Variants in NUP85 observed in about 807,000 individuals in gnomAD.
NUP85 encodes nuclear pore complex protein Nup85.
NUP85 carries 23 observed loss-of-function variants against 92.8 expected under a neutral mutation model. The observed-to-expected ratio is 0.25, with a 90% CI of 0.18 to 0.35. The LOEUF (loss-of-function observed/expected upper bound fraction) is 0.35. Ranked by LOEUF, NUP85 falls within the 10% of genes least tolerant of loss-of-function variation. NUP85 has a pLI of 1.00. For synonymous variants in NUP85, 314 were observed against 306.9 expected (o/e 1.02, Z -0.24); for missense variants, 759 against 822.8 (o/e 0.92, Z 0.95).
chr17:75,211,889 C>T, intron 3 of NUP85, 103 bp from the exon 4 acceptor site: 1 of 908,506 alleles, frequency 1.1e-6, no homozygotes, highest in East Asian at 2.7e-5. Flanking sequence ...AACGGCTCTC[C>T]TCTTTCTTTC....
chr17:75,225,754 G>C lies in NUP85; in HGVS notation c.912G>C (p.Trp304Cys). The change falls in exon 10 of 19, where the codon TGG becomes TGC. Residue 304 changes from tryptophan (W) to cysteine (C), a missense_variant. Trp to Cys is a radical substitution (Grantham distance 215, BLOSUM62 -2). Transcript: ENST00000245544. ...LLEQKELLSNWYHFLVTRLLY... is the reference protein window; with the variant it reads ...LLEQKELLSNCYHFLVTRLLY... ...AGCAGAAGGAACTTCTGAGTAATTG[G>C]TATCATTTCCTAGTGACTCGGCTCT... 1 of 1,613,280 alleles carries C rather than the reference G, an allele frequency of 6.2e-7. No homozygotes were observed. The highest frequency in any genetic ancestry group is 8.5e-7 in the Non-Finnish European group (1 of 1,179,594).
At chr17:75,234,881 T>A (rs772615510) in intron 17 of NUP85, 93 bp downstream of exon 17, 2 of 1,494,366 alleles carry the variant, frequency 1.3e-6, no homozygotes, top group Admixed American at 3.3e-5. Context: ...TTTCCTCCTT[T>A]GTCGTTCTGC....
Position 75,205,699 on chromosome 17 carries a change from C to A in NUP85, c.-63C>A. 1 of 1,600,966 alleles carries A rather than the reference C, an allele frequency of 6.2e-7. No homozygotes were observed. The highest frequency in any genetic ancestry group is 8.6e-7 in the Non-Finnish European group (1 of 1,168,310). ...GTCTTGTCTCGCAGCCAGCTCTGAGCGGGAGGCCTGAGCGGGAAGCATTGG... is the reference window on the plus strand; with the variant it reads ...GTCTTGTCTCGCAGCCAGCTCTGAGAGGGAGGCCTGAGCGGGAAGCATTGG... On this transcript the variant is annotated 5_prime_UTR_variant, in exon 1 of 19. Coordinates refer to ENST00000245544, the MANE Select transcript of NUP85 (RefSeq NM_024844.5).
At chr17:75,226,343 C>T (rs1327793351) in intron 11 of NUP85, among the ~76,000 whole-genome samples, 186 bp downstream of exon 11, 1 of 152,138 alleles carries the variant, frequency 6.6e-6, no homozygotes, top group Non-Finnish European at 1.5e-5. Flanking sequence ...ATTATTTTCT[C>T]ACCGTTCTGG....
At chr17:75,224,829 G>A (rs1186761976) in intron 7 of NUP85, among the ~76,000 whole-genome samples, 63 of 132,392 alleles carry the variant, frequency 4.8e-4, no homozygotes, top group South Asian at 7.3e-4. Flanking sequence ...GGGAACTCTG[G>A]AAAAAAAAAA....
rs200315838 is a variant in NUP85, at chr17:75,205,738, T to C, written c.-24T>C. 1.2e-5 allele frequency: 20 copies of C among 1,614,092 alleles called. No individual in the cohort carries two copies. Among genetic ancestry groups the C allele is most frequent in the Admixed American group, 6.7e-5 (4 of 59,996 alleles). On this transcript the variant is annotated 5_prime_UTR_variant, in exon 1 of 19. Coordinates refer to ENST00000245544, the MANE Select transcript of NUP85 (RefSeq NM_024844.5). ...GGGAAGCATTGGCGTCCGAGCGACT[T>C]CTAGGAGCCTGGGGTTCGGCGCTAT... is the stretch of plus-strand genomic sequence containing the variant.
chr17:75,232,855 C>T lies in NUP85; in HGVS notation c.1401C>T (p.Arg467=). 1.2e-6 allele frequency: 2 copies of T among 1,613,968 alleles called. No homozygotes were observed. The highest frequency in any genetic ancestry group is 8.5e-7 in the Non-Finnish European group (1 of 1,179,858). ...CEQRQMTEQV[R]SICKILAMKA... ...CTTTTCTTTTCCCCTGCAAAGTTCGCAGCATTTGTAAGATCTTAGCCATGA... is the reference window on the plus strand; with the variant it reads ...CTTTTCTTTTCCCCTGCAAAGTTCGTAGCATTTGTAAGATCTTAGCCATGA... Residue 467 remains arginine, a synonymous_variant, in exon 15 of 19, where the codon CGC becomes CGT. Coordinates refer to ENST00000245544, the MANE Select transcript of NUP85 (RefSeq NM_024844.5).
At chr17:75,228,290 C>G (rs1287351863) in intron 11 of NUP85, 2 of 985,408 alleles carry the variant, frequency 2.0e-6, no homozygotes, top group Non-Finnish European at 2.4e-6. Flanking sequence ...AACAACATCA[C>G]TCTCGTGCCG....
At chr17:75,215,135 C>T (rs2075391063) in intron 5 of NUP85, among the ~76,000 whole-genome samples, 1 of 152,210 alleles carries the variant, frequency 6.6e-6, no homozygotes, top group African/African-American at 2.4e-5. Context: ...TATGCCACTG[C>T]ACTCTAGCTT....
intron 7 of NUP85, among the ~76,000 whole-genome samples, chr17:75,221,418 C>T (rs2075595535): frequency 6.6e-6 from 1 of 151,974 alleles, no homozygotes; most frequent in Admixed American, 6.6e-5. Context: ...GGATTACAGG[C>T]TTGAGCCACC....
chr17:75,213,308 A>G (rs1173224278), intron 5 of NUP85, among the ~76,000 whole-genome samples, 189 bp downstream of exon 5: 1 of 149,428 alleles, frequency 6.7e-6, no homozygotes, highest in Non-Finnish European at 1.5e-5. Flanking sequence ...CTTGTTAAAT[A>G]CTTGAGTGAA....
In NUP85 at chr17:75,217,818, TATC is replaced by T. The variant is rs1261867649; in HGVS notation, c.476-361_476-359del. Among the ~76,000 whole-genome samples, 11 of 152,358 alleles carry T rather than the reference TATC, an allele frequency of 7.2e-5. No homozygotes were observed. In the East Asian group the frequency reaches 2.1e-3, roughly 29 times the overall value. Reference sequence around the variant, plus strand: ...CACCAGCCCCCTGGCCCTATGTTTTTATCATCATTGCATACCTGGCTGCTTGCT... The same window carrying T: ...CACCAGCCCCCTGGCCCTATGTTTTTATCATTGCATACCTGGCTGCTTGCT... On this transcript the variant is annotated intron_variant, in intron 6 of 18. Transcript: ENST00000245544.
In NUP85 at chr17:75,209,977, A is replaced by C. The variant is rs762078842; in HGVS notation, c.282A>C (p.Arg94Ser). ...RIDEELTGKS[R>S]KSQLVRVSKN... is the part of the protein sequence containing the mutation. ...ACGAAGAGTTGACTGGAAAATCCAG[A>C]AAATCTCAGTAAGTTGGTTGCTGTT... The change falls in exon 3 of 19, where the codon AGA becomes AGC. Residue 94 changes from arginine to serine, a missense_variant. Physicochemically the swap from Arg to Ser is moderately radical, Grantham distance 110. Coordinates refer to ENST00000245544, the MANE Select transcript of NUP85 (RefSeq NM_024844.5). 5 of 1,587,998 alleles carry C rather than the reference A, an allele frequency of 3.1e-6. No homozygotes were observed. The highest frequency in any genetic ancestry group is 4.3e-6 in the Non-Finnish European group (5 of 1,173,608).
chr17:75,212,464 C>T (rs1389398217), intron 4 of NUP85, among the ~76,000 whole-genome samples: 1 of 96,272 alleles, frequency 1.0e-5, no homozygotes, highest in Non-Finnish European at 1.9e-5. Flanking sequence ...GCCACTGTGC[C>T]TGGAGTTTTT....
chr17:75,225,151 C>A lies in NUP85; in HGVS notation c.646C>A (p.Leu216Ile), dbSNP rs146934402. Residue 216 changes from leucine (L) to isoleucine (I), a missense_variant, in exon 8 of 19, where the codon CTC becomes ATC. Physicochemically the swap from Leu to Ile is conservative, Grantham distance 5. Transcript: ENST00000245544. Reference sequence around the variant, plus strand: ...CCGGCTGGATGAGGCCCGACAGATGCTCTCCAAGGAAGCCGATGCCAGCCC... The same window carrying A: ...CCGGCTGGATGAGGCCCGACAGATGATCTCCAAGGAAGCCGATGCCAGCCC... ...QGRLDEARQM[L>I]SKEADASPAS... 1.2e-6 allele frequency: 2 copies of A among 1,601,688 alleles called. No individual in the cohort carries two copies. The highest frequency in any genetic ancestry group is 1.1e-5 in the South Asian group (1 of 89,264).
chr17:75,228,071 G>A (rs1484842216), intron 11 of NUP85: 1 of 398,310 alleles, frequency 2.5e-6, no homozygotes, highest in African/African-American at 2.2e-5. Context: ...TGGTGTCTCT[G>A]CCCATAGTTG....
Position 75,231,995 on chromosome 17 carries a change from T to TC in NUP85, c.1396+19dup. ...ACTGAACAAGGTGAGCTGGCCCTGC[T>TC]CCCAGCCTACTGTCTGTGGGACGCA... On this transcript the variant is annotated intron_variant, in intron 14 of 18. Coordinates refer to ENST00000245544, the MANE Select transcript of NUP85 (RefSeq NM_024844.5). This position sits in a 1 kb window ranked among gnomAD's most constrained non-coding sequence, Gnocchi z 4.6. 1 of 1,613,624 alleles carries TC rather than the reference T, an allele frequency of 6.2e-7. No homozygotes were observed.
Position 75,209,912 on chromosome 17 carries a change from A to G in NUP85, c.217A>G (p.Asn73Asp). The G allele has an allele frequency of 6.3e-7, 1 of 1,586,898 alleles. No homozygotes were observed. Among genetic ancestry groups the G allele is most frequent in the Non-Finnish European group, 8.5e-7 (1 of 1,173,412 alleles). ...VYSQILRKLFNESHGIFLGLQ... is the reference protein window; with the variant it reads ...VYSQILRKLFDESHGIFLGLQ... ...CTCTCAAATCTTGAGAAAACTCTTCAATGAATCCCATGGAATCTTTCTGGG... is the reference window on the plus strand; with the variant it reads ...CTCTCAAATCTTGAGAAAACTCTTCGATGAATCCCATGGAATCTTTCTGGG... The change falls in exon 3 of 19, where the codon AAT becomes GAT. Residue 73 changes from asparagine to aspartate, a missense_variant. Transcript: ENST00000245544.
chr17:75,219,219 A>C (rs1335889984), intron 7 of NUP85, among the ~76,000 whole-genome samples: 4 of 152,138 alleles, frequency 2.6e-5, no homozygotes, highest in African/African-American at 4.8e-5. Flanking sequence ...TCGGCCCGGC[A>C]CGGTGGCTCA....
Sources: gnomAD v4.1 joint callset for allele counts (sites outside exome capture counted in the v4.1 genomes callset) on GRCh38, gnomAD v4.1.1 for gene constraint, Gnocchi (gnomAD v3.1) non-coding constraint, MANE v1.5 for transcripts, NCBI Gene and HGNC (gene_info 2026-07-23, HGNC 2026-07-21) for gene names.